Variants in CKM observed in about 807,000 individuals in gnomAD.
CKM encodes creatine kinase, M-type.
In CKM, 28 loss-of-function variants were observed where a neutral mutation model predicts 35.4. The ratio of observed to expected loss-of-function variants is 0.79; its 90% CI spans 0.59 to 1.08. The LOEUF (loss-of-function observed/expected upper bound fraction) is 1.08. CKM is among the 50% of genes least tolerant of loss of function. CKM has a pLI of 0.00. For synonymous variants in CKM, 215 were observed against 204.4 expected (o/e 1.05, Z -0.44); for missense variants, 484 against 509.8 (o/e 0.95, Z 0.49).
chr19:45,314,137 G>A (rs73042703), intron 4 of CKM, among the ~76,000 whole-genome samples: 8,845 of 145,370 alleles, frequency 0.061, 390 homozygotes, highest in Non-Finnish European at 0.085. Context: ...AAGGGAGGGA[G>A]GGAAGGAAGG....
At chr19:45,310,581 T>C (rs903882372) in intron 5 of CKM, among the ~76,000 whole-genome samples, 1 of 151,984 alleles carries the variant, frequency 6.6e-6, no homozygotes, top group Non-Finnish European at 1.5e-5. Flanking sequence ...AGTTAGTAAA[T>C]GGTAGAGCTG....
intron 4 of CKM, among the ~76,000 whole-genome samples, chr19:45,314,181 G>A (rs953742166): frequency 6.6e-6 from 1 of 151,322 alleles, no homozygotes; most frequent in Non-Finnish European, 1.5e-5. Context: ...AGGAAAGGAA[G>A]GAAGGAAGGA....
chr19:45,316,164 T>C (rs1971156091), intron 3 of CKM, among the ~76,000 whole-genome samples: 1 of 151,936 alleles, frequency 6.6e-6, no homozygotes, highest in Non-Finnish European at 1.5e-5. Flanking sequence ...ACCCCATTTC[T>C]ACTAAAAATA....
chr19:45,314,268 C>T (rs931549679), intron 4 of CKM, among the ~76,000 whole-genome samples: 18 of 152,078 alleles, frequency 1.2e-4, no homozygotes, highest in Middle Eastern at 3.2e-3. Context: ...AACATCAAGG[C>T]AAGGCCCTAC....
chr19:45,310,559 C>T (rs1412221124), intron 5 of CKM, among the ~76,000 whole-genome samples: 1 of 152,024 alleles, frequency 6.6e-6, no homozygotes, highest in Non-Finnish European at 1.5e-5. Context: ...CCCAAGGTCA[C>T]AAAGCTAGTA....
At position 45,307,600 on chromosome 19, in the gene CKM, G is replaced by C; in HGVS notation, c.828C>G (p.His276Gln). 2 of 1,614,164 alleles carry C rather than the reference G, an allele frequency of 1.2e-6. No homozygotes were observed. The highest frequency in any genetic ancestry group is 1.7e-6 in the Non-Finnish European group (2 of 1,180,036). ...ATGGGCAGGTGAGCACGTAGCCCAG[G>C]TGCTGGTTCCACATGAAGGGGTGGC... Reference protein sequence around the residue: ...KAGHPFMWNQHLGYVLTCPSN... With the variant: ...KAGHPFMWNQQLGYVLTCPSN... Residue 276 changes from histidine (H) to glutamine (Q), a missense_variant, in exon 7 of 8, where the codon CAC (histidine) becomes CAG (glutamine). Physicochemically the swap from His to Gln is conservative, Grantham distance 24. Transcript: ENST00000221476.
chr19:45,306,699 A>T lies in CKM; in HGVS notation c.*51T>A. 6.3e-7 allele frequency: 1 copy of T among 1,598,268 alleles called. No individual in the cohort carries two copies. The highest frequency in any genetic ancestry group is 8.6e-7 in the Non-Finnish European group (1 of 1,167,396). ...TGAGGGAGCAGGACTCTGGTGGGCC[A>T]GGCCCTCCCACTGGCTGGGTTCCAG... On this transcript the variant is annotated 3_prime_UTR_variant, in exon 8 of 8. Transcript: ENST00000221476. The surrounding 1 kb of genome is among the most constrained non-coding windows in gnomAD (Gnocchi z 4.5).
At chr19:45,307,732 A>T in intron 6 of CKM, 82 bp from the exon 7 acceptor site, 1 of 1,200,406 alleles carries the variant, frequency 8.3e-7, no homozygotes, top group Non-Finnish European at 1.2e-6. Context: ...GTCCGGAGGG[A>T]CAGGGCGTGG....
At position 45,315,601 on chromosome 19, in the gene CKM, G is replaced by C; in HGVS notation, c.349-4C>G. The C allele has an allele frequency of 6.2e-7, 1 of 1,603,054 alleles. No individual in the cohort carries two copies. Among genetic ancestry groups the C allele is most frequent in the South Asian group, 1.1e-5 (1 of 91,070 alleles). On this transcript the variant is annotated splice_polypyrimidine_tract_variant and splice_region_variant and intron_variant, in intron 3 of 7. Coordinates refer to ENST00000221476, the MANE Select transcript of CKM (RefSeq NM_001824.5). ...TAGGGTCCAGGTCGTCTCCACCCTG[G>C]AGAGCGGGTGGGAGATCAGGACCAG...
intron 3 of CKM, among the ~76,000 whole-genome samples, chr19:45,316,065 C>T (rs1399373723): frequency 6.6e-6 from 1 of 151,884 alleles, no homozygotes; most frequent in African/African-American, 2.4e-5. Context: ...CGCGGTGGCT[C>T]ACACCTGTAA....
intron 3 of CKM, among the ~76,000 whole-genome samples, chr19:45,316,690 G>T (rs1415597283): frequency 6.6e-6 from 1 of 151,486 alleles, no homozygotes; most frequent in Admixed American, 6.6e-5. Context: ...CTGCAACTGC[G>T]TGTGTCTCTC....
Position 45,315,484 on chromosome 19 carries a change from C to A in CKM, c.462G>T (p.Val154=). ...PHCSRGERRA[V]EKLSVEALNS... ...GCTCACCTTCCACAGAGAGCTTCTC[C>A]ACCGCCCGGCGCTCGCCACGGGAGC... The change falls in exon 4 of 8, where the codon GTG becomes GTT. Residue 154 remains valine, a synonymous_variant. Coordinates refer to ENST00000221476, the MANE Select transcript of CKM (RefSeq NM_001824.5). 1.9e-6 allele frequency: 3 copies of A among 1,599,360 alleles called. No individual in the cohort carries two copies. The highest frequency in any genetic ancestry group is 2.5e-6 in the Non-Finnish European group (3 of 1,179,686).
chr19:45,316,337 A>AT (rs1000910743), intron 3 of CKM, among the ~76,000 whole-genome samples: 1 of 150,696 alleles, frequency 6.6e-6, no homozygotes, highest in African/African-American at 2.4e-5. Context: ...CTCAAAAAAA[A>AT]AAAAAAAATA....
chr19:45,319,486 T>G, intron 2 of CKM, 35 bp downstream of exon 2: 1 of 1,556,940 alleles, frequency 6.4e-7, no homozygotes, highest in Non-Finnish European at 8.8e-7. Flanking sequence ...AGAGCCCCCA[T>G]GTAGCCCCTT....
At chr19:45,316,808 G>GA (rs1327099938) in intron 3 of CKM, among the ~76,000 whole-genome samples, 1 of 151,518 alleles carries the variant, frequency 6.6e-6, no homozygotes, top group African/African-American at 2.4e-5. Flanking sequence ...CTGTCACCCA[G>GA]GCTGAATAGC....
At chr19:45,313,915 CT>C (rs911423233) in intron 4 of CKM, among the ~76,000 whole-genome samples, 3 of 152,082 alleles carry the variant, frequency 2.0e-5, no homozygotes, top group African/African-American at 7.2e-5. Context: ...AATGCCAGCA[CT>C]TTGGGAGACC....
At chr19:45,314,850 G>A (rs1463942634) in intron 4 of CKM, among the ~76,000 whole-genome samples, 1 of 151,752 alleles carries the variant, frequency 6.6e-6, no homozygotes, top group East Asian at 1.9e-4. Flanking sequence ...TAGCTGGGAT[G>A]ACAGGTGTGT....
At position 45,317,975 on chromosome 19, in the gene CKM, G is replaced by A; in HGVS notation, c.198C>T (p.His66=). The A allele has an allele frequency of 6.2e-7, 1 of 1,613,974 alleles. No homozygotes were observed. The highest frequency in any genetic ancestry group is 8.5e-7 in the Non-Finnish European group (1 of 1,179,950). The part of the protein sequence containing the change: ...VIQTGVDNPG[H]PFIMTVGCVA... Reference sequence around the variant, plus strand: ...CGCAGCCCACGGTCATGATGAAGGGGTGACCTGGAGGGGTGGGGGTGAGGT... The same window carrying A: ...CGCAGCCCACGGTCATGATGAAGGGATGACCTGGAGGGGTGGGGGTGAGGT... Residue 66 remains histidine, a synonymous_variant, in exon 3 of 8, where the codon CAC becomes CAT. Transcript: ENST00000221476.
Position 45,306,730 on chromosome 19 carries a change from G to A in CKM, c.*20C>T, listed in dbSNP as rs202146659. 6 of 1,613,672 alleles carry A rather than the reference G, an allele frequency of 3.7e-6. No homozygotes were observed. The highest frequency in any genetic ancestry group is 4.5e-5 in the East Asian group (2 of 44,880). On this transcript the variant is annotated 3_prime_UTR_variant, in exon 8 of 8. Coordinates refer to ENST00000221476, the MANE Select transcript of CKM (RefSeq NM_001824.5). The surrounding 1 kb of genome is among the most constrained non-coding windows in gnomAD (Gnocchi z 4.5). ...TCCCACTGGCTGGGTTCCAGCAGTCGGTGGCAGGTGGGCAGGCGCCTACTT... is the reference window on the plus strand; with the variant it reads ...TCCCACTGGCTGGGTTCCAGCAGTCAGTGGCAGGTGGGCAGGCGCCTACTT...
Sources: allele counts gnomAD v4.1 joint callset (sites outside exome capture counted in the v4.1 genomes callset), GRCh38; gene constraint gnomAD v4.1.1; non-coding constraint Gnocchi (gnomAD v3.1); transcripts MANE v1.5; gene names NCBI Gene and HGNC (gene_info 2026-07-23, HGNC 2026-07-21).